RYR3: variants seen among roughly 807,000 people sequenced by gnomAD.
RYR3 encodes ryanodine receptor 3, also known as brain ryanodine receptor-calcium release channel.
Under a neutral mutation model 584.3 loss-of-function variants are expected in RYR3, and 207 were observed. That is an observed-to-expected ratio of 0.35 (90% CI 0.32 to 0.40). RYR3 has a LOEUF of 0.40. RYR3 is among the 10% of genes least tolerant of loss of function. The pLI is 1.00. For missense variants in RYR3, 5,616 were observed against 6,089.2 expected, an observed-to-expected ratio of 0.92 and a Z score of 2.59; for synonymous variants, 2,416 against 2,248.5, an observed-to-expected ratio of 1.07 and a Z score of -2.11.
chr15:33,852,967 C>G (rs1247601794), intron 94 of RYR3, 78 bp from the exon 95 acceptor site: 5 of 1,282,096 alleles, frequency 3.9e-6, no homozygotes, highest in Non-Finnish European at 5.5e-6. Context: ...GATCCAGGCA[C>G]TCAAACTGAA....
intron 42 of RYR3, 49 bp from the exon 43 acceptor site, chr15:33,706,870 T>C (rs1386822007): frequency 6.6e-7 from 1 of 1,517,170 alleles, no homozygotes; most frequent in Non-Finnish European, 8.9e-7. Context: ...TGTTTTTTAA[T>C]AGCCATCCTA....
intron 43 of RYR3, among the ~76,000 whole-genome samples, chr15:33,707,994 C>A (rs2066839841): frequency 6.6e-6 from 1 of 152,116 alleles, no homozygotes; most frequent in African/African-American, 2.4e-5. Flanking sequence ...AGATTGCAGG[C>A]CTTGAGGTGG....
intron 1 of RYR3, among the ~76,000 whole-genome samples, chr15:33,396,004 G>T (rs755901843): frequency 6.6e-6 from 1 of 152,188 alleles, no homozygotes; most frequent in Non-Finnish European, 1.5e-5. Context: ...TGCTGTGCCT[G>T]CCCACTTTGG....
intron 38 of RYR3, among the ~76,000 whole-genome samples, chr15:33,677,838 C>A: frequency 6.6e-6 from 1 of 152,214 alleles, no homozygotes; most frequent in East Asian, 1.9e-4. Context: ...TATCTAGACA[C>A]AGCCTGTCCT....
intron 4 of RYR3, among the ~76,000 whole-genome samples, chr15:33,532,371 A>AGGTCATGGGACCTTCTGTCCCAT (rs532709678): frequency 6.6e-6 from 1 of 152,116 alleles, no homozygotes; most frequent in Non-Finnish European, 1.5e-5. Flanking sequence ...CAAAAACAGA[A>AGGTCATGGGACCTTCTGTCCCAT]GGTCATGGGA....
chr15:33,508,078 T>G (rs1328228927), intron 3 of RYR3, among the ~76,000 whole-genome samples: 1 of 152,128 alleles, frequency 6.6e-6, no homozygotes, highest in Non-Finnish European at 1.5e-5. Flanking sequence ...CTTCTAGGAA[T>G]GAAAGGCCTT....
At chr15:33,458,215 A>G (rs1280873337) in intron 1 of RYR3, among the ~76,000 whole-genome samples, 1 of 152,174 alleles carries the variant, frequency 6.6e-6, no homozygotes, top group Non-Finnish European at 1.5e-5. Context: ...ACAGTGGGAT[A>G]GGAGGAGATC....
chr15:33,401,517 T>A (rs7172186), intron 1 of RYR3, among the ~76,000 whole-genome samples: 97,515 of 151,936 alleles, frequency 0.64, 32,243 homozygotes, highest in African/African-American at 0.81. Flanking sequence ...CATTAAGATG[T>A]TGCTGTAGAA....
rs78040559 is a variant in RYR3, at chr15:33,611,022, A to G, written c.2165-2161A>G. Among the ~76,000 whole-genome samples, 811 of 152,350 alleles carry G rather than the reference A, an allele frequency of 5.3e-3. 10 individuals carry two copies. Among genetic ancestry groups the G allele is most frequent in the Middle Eastern group, 0.017 (5 of 294 alleles). On this transcript the variant is annotated intron_variant, in intron 18 of 103. Transcript: ENST00000634891. ...CCTGAACTAGACTAGCAGTAAGCAC[A>G]GAAAACATTAAATAGTTCTAAACTG...
intron 69 of RYR3, among the ~76,000 whole-genome samples, chr15:33,806,758 C>CTT (rs10713428): frequency 7.0e-6 from 1 of 143,242 alleles, no homozygotes. Flanking sequence ...TTCTTTTTTC[C>CTT]TTTTTTTTTT....
chr15:33,538,149 C>CTCT (rs1477741120), intron 5 of RYR3, among the ~76,000 whole-genome samples: 2 of 152,086 alleles, frequency 1.3e-5, no homozygotes, highest in Non-Finnish European at 2.9e-5. Flanking sequence ...TTCTCCAAGT[C>CTCT]TCTTCTCTTT....
Position 33,613,389 on chromosome 15 carries a change from G to C in RYR3, c.2357+14G>C. 2 of 1,580,644 alleles carry C rather than the reference G, an allele frequency of 1.3e-6. No homozygotes were observed. The highest frequency in any genetic ancestry group is 1.7e-6 in the Non-Finnish European group (2 of 1,162,252). ...AGCAGGTGTCAAGTAAGTTATGGCT[G>C]TGATTTCATGGAGAGTAGCAGTTAC... On this transcript the variant is annotated intron_variant, in intron 19 of 103. Coordinates refer to ENST00000634891, the MANE Select transcript of RYR3 (RefSeq NM_001036.6).
In RYR3 at chr15:33,865,934, G is replaced by GTTAT. The variant is rs1890374060; in HGVS notation, c.*710_*713dup. On this transcript the variant is annotated 3_prime_UTR_variant, in exon 104 of 104. Coordinates refer to ENST00000634891, the MANE Select transcript of RYR3 (RefSeq NM_001036.6). ...TAGTAACAGCTGTCAGTCAACTGCT[G>GTTAT]TTATTAGAAGAAAAGTACTGTACTG... 1 of 152,670 alleles carries GTTAT rather than the reference G, an allele frequency of 6.6e-6. No homozygotes were observed. Among genetic ancestry groups the GTTAT allele is most frequent in the Admixed American group, 6.5e-5 (1 of 15,280 alleles). 9.5% of individuals were successfully genotyped at this position (152,670 alleles called of 1,614,324 possible).
At chr15:33,499,474 A>G (rs1460123417) in intron 2 of RYR3, among the ~76,000 whole-genome samples, 4 of 152,252 alleles carry the variant, frequency 2.6e-5, no homozygotes, top group East Asian at 3.9e-4. Flanking sequence ...AAATCACACA[A>G]TCCTGTAAGG....
chr15:33,347,665 T>A (rs931805227), intron 1 of RYR3, among the ~76,000 whole-genome samples: 8 of 152,156 alleles, frequency 5.3e-5, no homozygotes, highest in African/African-American at 1.7e-4. Context: ...TCCAGGATGG[T>A]CTTGATCTCC....
rs57062262 is a variant in RYR3 at position 33,811,553 on chromosome 15, ATGTT to A, written c.10257+542_10257+545del. 1.4e-3 allele frequency among the ~76,000 whole-genome samples: 209 copies of A among 150,340 alleles called. 2 individuals are homozygous for A. Among genetic ancestry groups the A allele is most frequent in the Admixed American group, 5.1e-3 (77 of 15,104 alleles). On this transcript the variant is annotated intron_variant, in intron 72 of 103. Coordinates refer to ENST00000634891, the MANE Select transcript of RYR3 (RefSeq NM_001036.6). ...CTGGTACATAAACTGCCCTTAATGT[ATGTT>A]TGTTTGTTTGTTTGTTTGTTTGTTT...
At chr15:33,715,918 T>C (rs1202806365) in intron 43 of RYR3, among the ~76,000 whole-genome samples, 1 of 152,224 alleles carries the variant, frequency 6.6e-6, no homozygotes, top group East Asian at 1.9e-4. Flanking sequence ...TTGGATGTTG[T>C]CTTCTCTGAA....
At chr15:33,499,976 CTT>C in intron 2 of RYR3, among the ~76,000 whole-genome samples, 1 of 152,266 alleles carries the variant, frequency 6.6e-6, no homozygotes, top group Admixed American at 6.5e-5. Flanking sequence ...AGGCAGGAGA[CTT>C]GAGGAGTCAT....
At chr15:33,565,688 C>T (rs554960891) in intron 11 of RYR3, among the ~76,000 whole-genome samples, 60 of 152,260 alleles carry the variant, frequency 3.9e-4, no homozygotes, top group African/African-American at 1.3e-3. Flanking sequence ...GAACTTGGAT[C>T]AGGATTTGAC....
Sources: allele counts gnomAD v4.1 joint callset (sites outside exome capture counted in the v4.1 genomes callset), GRCh38; gene constraint gnomAD v4.1.1; transcripts MANE v1.5; gene names NCBI Gene and HGNC (gene_info 2026-07-23, HGNC 2026-07-21).